The following EMC7 variants were observed in gnomAD, a reference collection of about 807,000 sequenced individuals.
EMC7 encodes the protein ER membrane protein complex subunit 7.
Under a neutral mutation model 24.4 loss-of-function variants are expected in EMC7, and 4 were observed. That is an observed-to-expected ratio of 0.16 (90% CI 0.08 to 0.38). The LOEUF (loss-of-function observed/expected upper bound fraction) is 0.38, where lower values mean the gene tolerates loss of function less well. EMC7 is among the 10% of genes least tolerant of loss of function. EMC7 has a pLI of 1.00. For synonymous variants in EMC7, 106 were observed against 112.0 expected (o/e 0.95, Z 0.34); for missense variants, 221 against 300.6 (o/e 0.74, Z 1.96).
In EMC7 at chr15:34,090,351, G is replaced by A. The variant is rs190604325; in HGVS notation, c.461C>T (p.Ser154Leu). The change falls in exon 3 of 5, where the codon TCG becomes TTG. Residue 154 changes from serine to leucine, a missense_variant. This residue lies in a region of EMC7 where 65 missense variants were observed against 123.4 expected (regional missense o/e 0.53). Coordinates refer to ENST00000256545, the MANE Select transcript of EMC7 (RefSeq NM_020154.3). ...GPPSYFIKRESWGWTDFLMNP... is the reference protein window; with the variant it reads ...GPPSYFIKRELWGWTDFLMNP... The stretch of plus-strand genomic sequence containing the variant: ...CATTAGAAAGTCTGTCCAGCCCCAC[G>A]ATTCCCTTTTAATAAAGTAAGAAGG... 2.6e-5 allele frequency: 42 copies of A among 1,613,874 alleles called. 1 individual carries two copies. The East Asian group carries it at 4.5e-4, about 17-fold the overall frequency.
In EMC7 at chr15:34,084,095, A is replaced by G; in HGVS notation, c.*239T>C. On this transcript the variant is annotated 3_prime_UTR_variant, in exon 5 of 5. Transcript: ENST00000256545. ...ATATAATTTATTAATGGCATTTTCTATAGGACACTGTAATTAATTCAGTGA... is the reference window on the plus strand; with the variant it reads ...ATATAATTTATTAATGGCATTTTCTGTAGGACACTGTAATTAATTCAGTGA... The G allele has an allele frequency of 4.9e-6, 2 of 405,026 alleles. No homozygotes were observed. The highest frequency in any genetic ancestry group is 8.8e-6 in the Non-Finnish European group (2 of 227,806). 25.1% of individuals were successfully genotyped at this position (405,026 alleles called of 1,614,324 possible). A position where few individuals can be genotyped will look rare whatever the true frequency, so the allele number is the denominator to read the frequency against.
rs374221937 is a variant in EMC7, at chr15:34,092,570, A to T, written c.357-2115T>A. On this transcript the variant is annotated intron_variant, in intron 2 of 4. Coordinates refer to ENST00000256545, the MANE Select transcript of EMC7 (RefSeq NM_020154.3). ...ATCATGTTGGTCAGGCTGGTCTTGA[A>T]CTCCTGACCTCGTGATTCACCTGCC... Among the ~76,000 whole-genome samples, 4 of 150,354 alleles carry T rather than the reference A, an allele frequency of 2.7e-5. No homozygotes were observed. The East Asian group carries it at 5.9e-4, about 22-fold the overall frequency.
chr15:34,093,095 A>C (rs1901004282), intron 2 of EMC7, among the ~76,000 whole-genome samples: 2 of 152,176 alleles, frequency 1.3e-5, no homozygotes, highest in South Asian at 2.1e-4. Context: ...TGGGTACTTA[A>C]AGTATGGTTT....
At chr15:34,097,579 GA>G (rs1276596543) in intron 1 of EMC7, among the ~76,000 whole-genome samples, 2 of 152,010 alleles carry the variant, frequency 1.3e-5, no homozygotes. Flanking sequence ...CTACTATTCT[GA>G]GGGGGGAAAA....
chr15:34,093,246 T>C (rs1313953298), intron 2 of EMC7, among the ~76,000 whole-genome samples: 1 of 152,112 alleles, frequency 6.6e-6, no homozygotes, highest in East Asian at 1.9e-4. Flanking sequence ...GAAACCATCC[T>C]GGCCAACATG....
At chr15:34,097,839 T>C (rs1043746828) in intron 1 of EMC7, among the ~76,000 whole-genome samples, 2 of 151,788 alleles carry the variant, frequency 1.3e-5, no homozygotes, top group African/African-American at 4.8e-5. Flanking sequence ...TGTGGTGGCA[T>C]GCGCGTGTAG....
chr15:34,086,643 G>C lies in EMC7; in HGVS notation c.576+1410C>G, dbSNP rs542012605. On this transcript the variant is annotated intron_variant, in intron 4 of 4. Transcript: ENST00000256545. ...GGGGTTTCACCATGTTAGTCAGGCT[G>C]GTCGTGAACTCCTGACCTCAGGTGA... is the stretch of plus-strand genomic sequence containing the variant. 2.2e-3 allele frequency among the ~76,000 whole-genome samples: 328 copies of C among 152,290 alleles called. 2 individuals are homozygous for C. Among genetic ancestry groups the C allele is most frequent in the African/African-American group, 7.5e-3 (310 of 41,572 alleles).
At chr15:34,093,823 A>ATATATATTTTTTTT (rs1190830993) in intron 2 of EMC7, among the ~76,000 whole-genome samples, 41 of 48,618 alleles carry the variant, frequency 8.4e-4, no homozygotes, top group African/African-American at 1.4e-3. Context: ...ATATATATAT[A>ATATATATTTTTTTT]TTTTTTTTTT....
intron 1 of EMC7, among the ~76,000 whole-genome samples, chr15:34,099,471 C>T (rs181034851): frequency 6.6e-6 from 1 of 152,250 alleles, no homozygotes; most frequent in Admixed American, 6.5e-5. Flanking sequence ...TTAACTAAGT[C>T]CTAAGCCACC....
intron 1 of EMC7, among the ~76,000 whole-genome samples, chr15:34,099,802 A>G (rs1901146655): frequency 6.6e-6 from 1 of 151,634 alleles, no homozygotes; most frequent in Non-Finnish European, 1.5e-5. Context: ...ATGGGGTCCC[A>G]CTATGTTGCC....
chr15:34,087,101 C>T (rs1280513407), intron 4 of EMC7, among the ~76,000 whole-genome samples: 1 of 152,190 alleles, frequency 6.6e-6, no homozygotes, highest in African/African-American at 2.4e-5. Flanking sequence ...TAAATCCATT[C>T]TATTTTCTAC....
intron 4 of EMC7, among the ~76,000 whole-genome samples, chr15:34,084,813 G>A (rs1235305140): frequency 6.6e-6 from 1 of 150,648 alleles, no homozygotes; most frequent in East Asian, 2.0e-4. Flanking sequence ...TGTTACATAC[G>A]TACGCATGTG....
chr15:34,093,823 A>ATATATATATATTT (rs1190830993), intron 2 of EMC7, among the ~76,000 whole-genome samples: 1 of 48,714 alleles, frequency 2.1e-5, no homozygotes, highest in Non-Finnish European at 3.3e-5. Flanking sequence ...ATATATATAT[A>ATATATATATATTT]TTTTTTTTTT....
At chr15:34,101,484 G>A in intron 1 of EMC7, 120 bp downstream of exon 1, 2 of 1,048,066 alleles carry the variant, frequency 1.9e-6, no homozygotes, top group East Asian at 5.0e-5. Flanking sequence ...GACCGTTAGC[G>A]GCACCCTCCC....
chr15:34,084,435 C>T lies in EMC7; in HGVS notation c.628G>A (p.Val210Ile). 6.2e-7 allele frequency: 1 copy of T among 1,613,698 alleles called. No individual in the cohort carries two copies. Among genetic ancestry groups the T allele is most frequent in the Non-Finnish European group, 8.5e-7 (1 of 1,179,674 alleles). The change falls in exon 5 of 5, where the codon GTT becomes ATT. Residue 210 changes from valine (V) to isoleucine (I), a missense_variant. Val to Ile is a conservative substitution (Grantham distance 29). Around this residue, in one of 2 missense-constraint regions of EMC7, gnomAD observed 65 missense variants for 123.4 expected, o/e 0.53. Coordinates refer to ENST00000256545, the MANE Select transcript of EMC7 (RefSeq NM_020154.3). Reference sequence around the variant, plus strand: ...AAGAGTCTTGTCATGAACTCAGAAACATCAGGCAACTCATGGTTGGAATTC... The same window carrying T: ...AAGAGTCTTGTCATGAACTCAGAAATATCAGGCAACTCATGGTTGGAATTC... Reference protein sequence around the residue: ...MLNSNHELPDVSEFMTRLFSS... With the variant: ...MLNSNHELPDISEFMTRLFSS...
intron 2 of EMC7, among the ~76,000 whole-genome samples, chr15:34,092,755 T>G (rs1246379117): frequency 6.6e-6 from 1 of 152,190 alleles, no homozygotes; most frequent in African/African-American, 2.4e-5. Flanking sequence ...TGAATCCCAC[T>G]GCTGCAACCA....
intron 4 of EMC7, among the ~76,000 whole-genome samples, chr15:34,086,802 T>C (rs908659109): frequency 6.6e-6 from 1 of 152,238 alleles, no homozygotes; most frequent in Admixed American, 6.5e-5. Context: ...GCTTAACATA[T>C]ACAAGGAATG....
chr15:34,090,395 T>G lies in EMC7; in HGVS notation c.417A>C (p.Gln139His). 6.2e-7 allele frequency: 1 copy of G among 1,614,094 alleles called. No homozygotes were observed. ...AAGAAGGTGGACCTGAAGATTTCATTTGGAGAGGATAGGGCAGTCTGACAA... is the reference window on the plus strand; with the variant it reads ...AAGAAGGTGGACCTGAAGATTTCATGTGGAGAGGATAGGGCAGTCTGACAA... ...SEVVRLPYPLQMKSSGPPSYF... is the reference protein window; with the variant it reads ...SEVVRLPYPLHMKSSGPPSYF... The change falls in exon 3 of 5, where the codon CAA (glutamine) becomes CAC (histidine). Residue 139 changes from glutamine (Q) to histidine (H), a missense_variant. This residue lies in a region of EMC7 where 156 missense variants were observed against 177.1 expected (regional missense o/e 0.88). Coordinates refer to ENST00000256545, the MANE Select transcript of EMC7 (RefSeq NM_020154.3).
At chr15:34,098,828 T>C (rs909849049) in intron 1 of EMC7, among the ~76,000 whole-genome samples, 20 of 151,910 alleles carry the variant, frequency 1.3e-4, no homozygotes, top group Non-Finnish European at 2.2e-4. Flanking sequence ...CTGATGACAG[T>C]GGAACACAAA....
Sources: allele counts gnomAD v4.1 joint callset (sites outside exome capture counted in the v4.1 genomes callset), GRCh38; gene constraint gnomAD v4.1.1; regional missense constraint gnomAD v4.1.1; transcripts MANE v1.5; gene names NCBI Gene and HGNC (gene_info 2026-07-23, HGNC 2026-07-21).